The following TMEFF2 variants were observed in gnomAD, a reference collection of about 807,000 sequenced individuals.
TMEFF2 encodes transmembrane protein with EGF like and two follistatin like domains 2.
A neutral mutation model predicts 53.8 loss-of-function variants in TMEFF2; 28 were observed. The observed-to-expected ratio is 0.52, with a 90% CI of 0.39 to 0.71. The LOEUF (loss-of-function observed/expected upper bound fraction) is 0.71, where lower values mean the gene tolerates loss of function less well. TMEFF2 is among the 30% of genes least tolerant of loss of function. The probability of loss-of-function intolerance (pLI) is 0.00; values close to 1 mark genes in which losing one functional copy is unlikely to be tolerated. For missense variants in TMEFF2, 353 were observed against 455.2 expected, an observed-to-expected ratio of 0.78 and a Z score of 2.04; for synonymous variants, 162 against 166.3, an observed-to-expected ratio of 0.97 and a Z score of 0.20.
At chr2:192,132,574 T>G (rs981598097) in intron 4 of TMEFF2, among the ~76,000 whole-genome samples, 2 of 151,806 alleles carry the variant, frequency 1.3e-5, no homozygotes, top group African/African-American at 4.8e-5. Context: ...AAAAAAAAAG[T>G]TGCAATTCCT....
chr2:192,107,282 T>C (rs1453707042), intron 4 of TMEFF2, among the ~76,000 whole-genome samples: 1 of 151,702 alleles, frequency 6.6e-6, no homozygotes, highest in Non-Finnish European at 1.5e-5. Context: ...CCCTGGATTC[T>C]GGGTGCTTCA....
At chr2:191,995,300 A>C (rs1686197415) in intron 7 of TMEFF2, among the ~76,000 whole-genome samples, 1 of 152,048 alleles carries the variant, frequency 6.6e-6, no homozygotes, top group Non-Finnish European at 1.5e-5. Context: ...CTCTTAAAGT[A>C]GGCTCAAAGA....
intron 4 of TMEFF2, among the ~76,000 whole-genome samples, chr2:192,162,816 C>G (rs959829805): frequency 5.9e-5 from 9 of 152,106 alleles, no homozygotes; most frequent in African/African-American, 2.2e-4. Flanking sequence ...AAGAAAAATG[C>G]ACGACATGTT....
chr2:192,088,055 A>G (rs912443293), intron 4 of TMEFF2, among the ~76,000 whole-genome samples: 3 of 152,174 alleles, frequency 2.0e-5, no homozygotes, highest in Non-Finnish European at 4.4e-5. Context: ...GTTTACTAAG[A>G]AACTGCAGCA....
At chr2:191,958,281 T>TGCTGCAG (rs1376866872) in intron 7 of TMEFF2, among the ~76,000 whole-genome samples, 4 of 152,204 alleles carry the variant, frequency 2.6e-5, no homozygotes, top group Admixed American at 2.6e-4. Context: ...CATAACAAAC[T>TGCTGCAG]ATTCGACACT....
At chr2:191,964,315 C>CTTT (rs1559063225) in intron 7 of TMEFF2, among the ~76,000 whole-genome samples, 11 of 133,216 alleles carry the variant, frequency 8.3e-5, no homozygotes, top group African/African-American at 3.1e-4. Flanking sequence ...TTCTTTCTTT[C>CTTT]CTTCCTTCCT....
intron 5 of TMEFF2, among the ~76,000 whole-genome samples, chr2:192,004,964 A>G (rs756929271): frequency 1.1e-4 from 16 of 152,062 alleles, no homozygotes; most frequent in Non-Finnish European, 2.2e-4. Flanking sequence ...CGTTTTTTCA[A>G]CCTATCTCAG....
At chr2:192,142,577 T>C (rs894168937) in intron 4 of TMEFF2, among the ~76,000 whole-genome samples, 6 of 152,236 alleles carry the variant, frequency 3.9e-5, no homozygotes, top group Admixed American at 3.9e-4. Flanking sequence ...GGACTGGAAT[T>C]ATGAATTATG....
At chr2:192,168,811 C>T (rs564893842) in intron 4 of TMEFF2, among the ~76,000 whole-genome samples, 22 of 150,960 alleles carry the variant, frequency 1.5e-4, no homozygotes, top group Non-Finnish European at 3.0e-4. Flanking sequence ...AATTTAAGCA[C>T]ACTTTCTTTT....
At chr2:191,968,896 A>G (rs143931095) in intron 7 of TMEFF2, among the ~76,000 whole-genome samples, 33 of 152,256 alleles carry the variant, frequency 2.2e-4, no homozygotes, top group Non-Finnish European at 4.1e-4. Context: ...AGAAAAAAAT[A>G]AATTGAGTTT....
In TMEFF2 at chr2:192,131,552, C is replaced by T. The variant is rs572137272; in HGVS notation, c.439+48116G>A. 1.4e-3 allele frequency among the ~76,000 whole-genome samples: 213 copies of T among 152,166 alleles called. 1 individual carries two copies. Among genetic ancestry groups the T allele is most frequent in the Middle Eastern group, 3.4e-3 (1 of 294 alleles). ...ATCTCTGTGCCCCAATCCCTTATTT[C>T]CACACCCCAACCTCTTATCTCTGTG... On this transcript the variant is annotated intron_variant, in intron 4 of 9. Coordinates refer to ENST00000272771, the MANE Select transcript of TMEFF2 (RefSeq NM_016192.4).
At chr2:192,086,237 T>A (rs769952002) in intron 4 of TMEFF2, among the ~76,000 whole-genome samples, 1 of 152,190 alleles carries the variant, frequency 6.6e-6, no homozygotes, top group Non-Finnish European at 1.5e-5. Context: ...TTTGCCTTCA[T>A]AATTCTATGC....
At chr2:192,188,060 T>C (rs991630081) in intron 2 of TMEFF2, among the ~76,000 whole-genome samples, 4 of 152,190 alleles carry the variant, frequency 2.6e-5, no homozygotes, top group African/African-American at 9.7e-5. Context: ...TTAAGAAGAA[T>C]GGCTTGGGAT....
chr2:192,057,768 T>G lies in TMEFF2; in HGVS notation c.447A>C (p.Glu149Asp). 3 of 1,613,562 alleles carry G rather than the reference T, an allele frequency of 1.9e-6. No individual in the cohort carries two copies. The highest frequency in any genetic ancestry group is 1.1e-5 in the South Asian group (1 of 91,078). ...AGSGSGDGVH[E>D]GSGETSQKET... is the part of the protein sequence containing the mutation. ...CCTTTTGACTAGTTTCTCCAGAGCC[T>G]TCATGGACTGTAGGACAGAAAAACA... The change falls in exon 5 of 10, where the codon GAA becomes GAC. Residue 149 changes from glutamate to aspartate, a missense_variant. Transcript: ENST00000272771.
chr2:192,178,303 C>T (rs1191687330), intron 4 of TMEFF2: 1 of 150,120 alleles, frequency 6.7e-6, no homozygotes, highest in Non-Finnish European at 1.5e-5. Flanking sequence ...TGCCTTTTTT[C>T]CTGTCTTTTT....
intron 4 of TMEFF2, among the ~76,000 whole-genome samples, chr2:192,152,914 A>G (rs975636187): frequency 6.6e-6 from 1 of 151,870 alleles, no homozygotes; most frequent in Non-Finnish European, 1.5e-5. Context: ...ATTTATCAGC[A>G]TGTACCATAA....
At chr2:192,183,830 A>G (rs1691246431) in intron 3 of TMEFF2, among the ~76,000 whole-genome samples, 1 of 152,104 alleles carries the variant, frequency 6.6e-6, no homozygotes, top group Non-Finnish European at 1.5e-5. Context: ...GAAATGACAA[A>G]TGTCACTAGA....
At chr2:191,976,800 G>A (rs1685740065) in intron 7 of TMEFF2, among the ~76,000 whole-genome samples, 1 of 152,182 alleles carries the variant, frequency 6.6e-6, no homozygotes, top group Non-Finnish European at 1.5e-5. Flanking sequence ...TAAAACGGGT[G>A]AAATAACAGA....
intron 4 of TMEFF2, among the ~76,000 whole-genome samples, chr2:192,146,203 G>T (rs1453848861): frequency 6.6e-6 from 1 of 151,958 alleles, no homozygotes; most frequent in Non-Finnish European, 1.5e-5. Context: ...AGTCTTTCTA[G>T]TTAGGAGAAA....
Sources: allele counts gnomAD v4.1 joint callset (sites outside exome capture counted in the v4.1 genomes callset), GRCh38; gene constraint gnomAD v4.1.1; transcripts MANE v1.5; gene names NCBI Gene and HGNC (gene_info 2026-07-23, HGNC 2026-07-21).